CTNNA1: variants seen among roughly 807,000 people sequenced by gnomAD.
CTNNA1 encodes the protein catenin alpha-1.
A neutral mutation model predicts 98.4 loss-of-function variants in CTNNA1; 37 were observed. The observed-to-expected ratio is 0.38, with a 90% CI of 0.29 to 0.49. CTNNA1 has a LOEUF of 0.49. Among genes scored for constraint, CTNNA1 ranks in the 20% least tolerant of loss-of-function variants. CTNNA1 has a pLI of 0.95. For missense variants in CTNNA1, 761 were observed against 1,147.2 expected (o/e 0.66, Z 4.86); for synonymous variants, 404 against 413.2 (o/e 0.98, Z 0.27).
At chr5:138,809,918 C>A in intron 3 of CTNNA1, 120 bp from the exon 4 acceptor site, 2 of 1,311,944 alleles carry the variant, frequency 1.5e-6, no homozygotes, top group Non-Finnish European at 2.0e-6. Flanking sequence ...AAAATGAAAA[C>A]TCTTAAACTA....
chr5:138,753,717 G>A lies in CTNNA1; in HGVS notation c.-3+207G>A, dbSNP rs1198596322. 1.5e-5 allele frequency: 5 copies of A among 324,274 alleles called. No individual in the cohort carries two copies. In the East Asian group the frequency reaches 2.3e-4, roughly 15 times the overall value. The allele number at this position is 324,274 out of a possible 1,614,324, so 20.1% of individuals were successfully genotyped here. A position where few individuals can be genotyped will look rare whatever the true frequency, so the allele number is the denominator to read the frequency against. Reference sequence around the variant, plus strand: ...GGCGGTCCCTTCCCCCGCAGGGCCCGAGTATGGGGCCCGGGCGGGCACGGC... The same window carrying A: ...GGCGGTCCCTTCCCCCGCAGGGCCCAAGTATGGGGCCCGGGCGGGCACGGC... On this transcript the variant is annotated intron_variant, in intron 1 of 17. Transcript: ENST00000302763.
intron 1 of CTNNA1, among the ~76,000 whole-genome samples, chr5:138,762,604 C>T (rs908728575): frequency 2.6e-5 from 4 of 151,424 alleles, no homozygotes; most frequent in African/African-American, 9.7e-5. Flanking sequence ...GGGCTGTCAT[C>T]GATCAACCCC....
At chr5:138,809,686 G>A (rs1216056203) in intron 3 of CTNNA1, among the ~76,000 whole-genome samples, 1 of 151,458 alleles carries the variant, frequency 6.6e-6, no homozygotes, top group Non-Finnish European at 1.5e-5. Flanking sequence ...TATTAGATAT[G>A]TTTTTTCTCC....
At chr5:138,932,013 C>G in intron 16 of CTNNA1, 1 of 985,662 alleles carries the variant, frequency 1.0e-6, no homozygotes, top group Non-Finnish European at 1.2e-6. Context: ...CCACCCTTTT[C>G]TCTTTGACCA....
rs3749661 is a variant in CTNNA1 at position 138,886,320 on chromosome 5, T to A, written c.1143+28T>A. On this transcript the variant is annotated intron_variant, in intron 8 of 17. Coordinates refer to ENST00000302763, the MANE Select transcript of CTNNA1 (RefSeq NM_001903.5). ...AATCTGGATGAAAGTGCTGATTGTT[T>A]TTCTAAGTTCTCAATTTTGTAGTTT... 55 of 1,556,728 alleles carry A rather than the reference T, an allele frequency of 3.5e-5. No individual in the cohort carries two copies. The East Asian group carries it at 1.3e-3, about 36-fold the overall frequency.
intron 1 of CTNNA1, among the ~76,000 whole-genome samples, chr5:138,768,082 TTTTC>T (rs1753128558): frequency 6.6e-6 from 1 of 152,214 alleles, no homozygotes. Context: ...CCTTTATGGT[TTTTC>T]TTTCTCTTTT....
intron 1 of CTNNA1, among the ~76,000 whole-genome samples, chr5:138,774,560 C>T (rs1033495474): frequency 6.6e-6 from 1 of 152,044 alleles, no homozygotes; most frequent in Non-Finnish European, 1.5e-5. Flanking sequence ...CTGTCCCCAG[C>T]CTGGAGAGGC....
rs551265191 is a variant in CTNNA1, at chr5:138,760,927, C to T, written c.-3+7417C>T. Among the ~76,000 whole-genome samples the T allele has an allele frequency of 5.3e-5, 8 of 152,158 alleles. No individual in the cohort carries two copies. In the South Asian group the frequency reaches 8.3e-4, roughly 16 times the overall value. ...CTTGGATAGAAGAGGAGATGTCTCTCGGGCTGGTTGGATATATAATAAGTT... is the reference window on the plus strand; with the variant it reads ...CTTGGATAGAAGAGGAGATGTCTCTTGGGCTGGTTGGATATATAATAAGTT... On this transcript the variant is annotated intron_variant, in intron 1 of 17. Transcript: ENST00000302763.
chr5:138,808,921 TTTTAAGAC>T (rs1472275422), intron 3 of CTNNA1, among the ~76,000 whole-genome samples: 1 of 152,098 alleles, frequency 6.6e-6, no homozygotes, highest in Non-Finnish European at 1.5e-5. Context: ...CTGTAAATAA[TTTTAAGAC>T]ACAAATGACA....
chr5:138,800,910 A>G (rs771730617), intron 3 of CTNNA1, among the ~76,000 whole-genome samples: 2 of 152,150 alleles, frequency 1.3e-5, no homozygotes, highest in African/African-American at 4.8e-5. Flanking sequence ...TTTTCTTACA[A>G]TGTCATGACT....
In CTNNA1 at chr5:138,934,222, G is replaced by A; in HGVS notation, c.*133G>A. On this transcript the variant is annotated 3_prime_UTR_variant, in exon 18 of 18. Coordinates refer to ENST00000302763, the MANE Select transcript of CTNNA1 (RefSeq NM_001903.5). ...GAAATGGGCAGACTGAACCAGTCCA[G>A]GTGGTGAATTTTCCAAGAACATAGT... 1.5e-6 allele frequency: 1 copy of A among 658,474 alleles called. No individual in the cohort carries two copies. The highest frequency in any genetic ancestry group is 2.1e-5 in the South Asian group (1 of 47,990). 40.8% of individuals were successfully genotyped at this position (658,474 alleles called of 1,614,324 possible). A position where few individuals can be genotyped will look rare whatever the true frequency, so the allele number is the denominator to read the frequency against.
chr5:138,844,926 A>C (rs1404545962), intron 7 of CTNNA1, among the ~76,000 whole-genome samples: 1 of 152,192 alleles, frequency 6.6e-6, no homozygotes, highest in Admixed American at 6.5e-5. Context: ...AAACTATTTA[A>C]TAAGCATAAC....
At chr5:138,930,319 A>G (rs543374064) in intron 14 of CTNNA1, among the ~76,000 whole-genome samples, 154 bp from the exon 15 acceptor site, 1 of 152,334 alleles carries the variant, frequency 6.6e-6, no homozygotes, top group African/African-American at 2.4e-5. Context: ...GTTTCTGCAA[A>G]AAATGAGAGA....
At chr5:138,782,536 A>C in intron 2 of CTNNA1, 1 of 249,340 alleles carries the variant, frequency 4.0e-6, no homozygotes, top group Non-Finnish European at 8.1e-6. Flanking sequence ...TATGTGAGAG[A>C]TTCAGAGAGA....
intron 7 of CTNNA1, among the ~76,000 whole-genome samples, chr5:138,854,624 C>A (rs1412226187): frequency 1.3e-5 from 2 of 152,186 alleles, no homozygotes. Context: ...ATTTAAAATG[C>A]AGAATTGATT....
In CTNNA1 at chr5:138,873,680, G is replaced by C; in HGVS notation, c.1063-12532G>C. 6.2e-7 allele frequency: 1 copy of C among 1,614,012 alleles called. No homozygotes were observed. Among genetic ancestry groups the C allele is most frequent in the Non-Finnish European group, 8.5e-7 (1 of 1,179,898 alleles). ...GGATCTCAGGGAGTTTAAGATCTTG[G>C]AATCAAGGCTGTTTAACTTGTTGTT... On this transcript the variant is annotated intron_variant, in intron 7 of 17. Coordinates refer to ENST00000302763, the MANE Select transcript of CTNNA1 (RefSeq NM_001903.5). This position sits in a 1 kb window ranked among gnomAD's most constrained non-coding sequence, Gnocchi z 6.1.
intron 7 of CTNNA1, among the ~76,000 whole-genome samples, chr5:138,846,502 T>C (rs569621793): frequency 7.9e-5 from 12 of 152,366 alleles, no homozygotes; most frequent in African/African-American, 2.9e-4. Context: ...TATTTTAAAT[T>C]ATATTTCCTG....
At chr5:138,785,679 G>T (rs1176713316) in intron 3 of CTNNA1, among the ~76,000 whole-genome samples, 1 of 152,168 alleles carries the variant, frequency 6.6e-6, no homozygotes, top group Non-Finnish European at 1.5e-5. Context: ...TTCTGCCTCA[G>T]CTTCCCAAGT....
At chr5:138,831,069 A>C (rs1005640374) in intron 7 of CTNNA1, among the ~76,000 whole-genome samples, 1 of 152,242 alleles carries the variant, frequency 6.6e-6, no homozygotes, top group African/African-American at 2.4e-5. Flanking sequence ...AACTTTGTAT[A>C]AACATTGTTG....
Sources: allele counts gnomAD v4.1 joint callset (sites outside exome capture counted in the v4.1 genomes callset), GRCh38; gene constraint gnomAD v4.1.1; non-coding constraint Gnocchi (gnomAD v3.1); transcripts MANE v1.5; gene names NCBI Gene and HGNC (gene_info 2026-07-23, HGNC 2026-07-21).